The following RBFOX1 variants were observed in gnomAD, a reference collection of about 807,000 sequenced individuals.
The protein encoded by RBFOX1 is RNA binding fox-1 homolog 1, also known as RNA binding protein fox-1 homolog 1.
In RBFOX1, 8 loss-of-function variants were observed where a neutral mutation model predicts 57.7. The ratio of observed to expected loss-of-function variants is 0.14; its 90% CI spans 0.08 to 0.25. RBFOX1 has a LOEUF of 0.25. Ranked by LOEUF, RBFOX1 falls within the 10% of genes least tolerant of loss-of-function variation. The pLI, the probability that RBFOX1 is intolerant of heterozygous loss-of-function variation, is 1.00. For missense variants in RBFOX1, 611 were observed against 548.5 expected (o/e 1.11, Z -1.14); for synonymous variants, 326 against 222.4 (o/e 1.47, Z -4.15).
At chr16:7,182,031 A>C (rs184039807) in intron 4 of RBFOX1, among the ~76,000 whole-genome samples, 113 of 152,354 alleles carry the variant, frequency 7.4e-4, no homozygotes, top group Non-Finnish European at 1.3e-3. Flanking sequence ...TACATGACAC[A>C]AATCACTGAA....
intron 4 of RBFOX1, among the ~76,000 whole-genome samples, chr16:7,280,432 C>G (rs1207926824): frequency 6.6e-6 from 1 of 152,196 alleles, no homozygotes; most frequent in Non-Finnish European, 1.5e-5. Context: ...CCCAGGATCA[C>G]CTCACCTTTG....
At chr16:5,426,455 G>A (rs1324310683) in intron 1 of RBFOX1, among the ~76,000 whole-genome samples, 1 of 152,244 alleles carries the variant, frequency 6.6e-6, no homozygotes, top group Non-Finnish European at 1.5e-5. Context: ...GCCACCGCCA[G>A]GGTGTCTGTC....
intron 2 of RBFOX1, among the ~76,000 whole-genome samples, chr16:5,554,118 C>G (rs2045578211): frequency 6.6e-6 from 1 of 151,878 alleles, no homozygotes; most frequent in Non-Finnish European, 1.5e-5. Context: ...TTAGAGGTGG[C>G]CACCACCATG....
chr16:5,719,201 T>C (rs1051746718), intron 3 of RBFOX1, among the ~76,000 whole-genome samples: 3 of 106,498 alleles, frequency 2.8e-5, no homozygotes, highest in African/African-American at 1.1e-4. Context: ...CATATTAGAA[T>C]CTTTTTTTTT....
In RBFOX1 at chr16:6,657,137, T is replaced by C. The variant is rs561043454; in HGVS notation, c.-16+2487T>C. On this transcript the variant is annotated intron_variant, in intron 3 of 15. Transcript: ENST00000550418. Reference sequence around the variant, plus strand: ...CCTCTCCTCTCCTCTCCTCTCCTCTTCTCTCCTCTTCTCTCCTCTTTTCCT... The same window carrying C: ...CCTCTCCTCTCCTCTCCTCTCCTCTCCTCTCCTCTTCTCTCCTCTTTTCCT... Among the ~76,000 whole-genome samples, 45 of 138,738 alleles carry C rather than the reference T, an allele frequency of 3.2e-4. 1 individual carries two copies. Among genetic ancestry groups the C allele is most frequent in the South Asian group, 7.1e-4 (3 of 4,214 alleles). 91.0% of individuals were successfully genotyped at this position (138,738 alleles called of 152,430 possible). A position where few individuals can be genotyped will look rare whatever the true frequency, so the allele number is the denominator to read the frequency against.
chr16:5,408,829 C>T (rs1428158697), intron 1 of RBFOX1, among the ~76,000 whole-genome samples: 1 of 152,154 alleles, frequency 6.6e-6, no homozygotes, highest in Non-Finnish European at 1.5e-5. Context: ...TTGTGCTACC[C>T]ACTTTTAAAC....
chr16:7,548,523 C>G (rs7187199), intron 5 of RBFOX1, among the ~76,000 whole-genome samples: 3,659 of 152,276 alleles, frequency 0.024, 175 homozygotes, highest in African/African-American at 0.083. Flanking sequence ...GTGAATGGCA[C>G]CTACTCCATC....
chr16:7,098,447 G>A (rs1472798056), intron 4 of RBFOX1, among the ~76,000 whole-genome samples: 5 of 152,190 alleles, frequency 3.3e-5, no homozygotes, highest in Non-Finnish European at 7.3e-5. Flanking sequence ...TGAGATTACA[G>A]GCATGAGCTA....
At chr16:6,713,964 A>G (rs2064241040) in intron 3 of RBFOX1, among the ~76,000 whole-genome samples, 2 of 152,242 alleles carry the variant, frequency 1.3e-5, no homozygotes, top group Admixed American at 6.5e-5. Context: ...ACATGAAAGT[A>G]GTTGATACGG....
At chr16:6,683,870 C>T (rs973261527) in intron 3 of RBFOX1, among the ~76,000 whole-genome samples, 26 of 152,166 alleles carry the variant, frequency 1.7e-4, no homozygotes, top group African/African-American at 6.3e-4. Context: ...GTGGAAATAA[C>T]ACTTTATTTT....
At chr16:5,306,583 C>T (rs78782173) in intron 1 of RBFOX1, among the ~76,000 whole-genome samples, 1,555 of 152,228 alleles carry the variant, frequency 0.01, 31 homozygotes, top group African/African-American at 0.035. Context: ...GCTGGGATTA[C>T]GGTGTGAGTC....
chr16:7,321,603 G>GA (rs2143019757), intron 4 of RBFOX1, among the ~76,000 whole-genome samples: 1 of 152,322 alleles, frequency 6.6e-6, no homozygotes, highest in South Asian at 2.1e-4. Flanking sequence ...ACAGTAATAT[G>GA]AAGATAGTCA....
chr16:5,381,212 G>C (rs1044280866), intron 1 of RBFOX1, among the ~76,000 whole-genome samples: 7 of 152,220 alleles, frequency 4.6e-5, no homozygotes, highest in African/African-American at 7.2e-5. Context: ...GAGAGACTCA[G>C]TAAAAGGCAG....
At chr16:6,532,883 C>T (rs1057498893) in intron 2 of RBFOX1, among the ~76,000 whole-genome samples, 9 of 152,214 alleles carry the variant, frequency 5.9e-5, no homozygotes, top group African/African-American at 1.7e-4. Flanking sequence ...TTCTCTGGCC[C>T]CTTGAGTGCC....
At chr16:7,050,182 G>A (rs190783291) in intron 3 of RBFOX1, among the ~76,000 whole-genome samples, 2 of 145,670 alleles carry the variant, frequency 1.4e-5, no homozygotes, top group South Asian at 2.2e-4. Flanking sequence ...TTATAGAATT[G>A]TACCAGTTTC....
At chr16:6,062,494 T>A (rs1201698808) in intron 1 of RBFOX1, among the ~76,000 whole-genome samples, 1 of 151,796 alleles carries the variant, frequency 6.6e-6, no homozygotes, top group South Asian at 2.1e-4. Flanking sequence ...AGAACCAGGT[T>A]CAGCAACCAC....
intron 10 of RBFOX1, among the ~76,000 whole-genome samples, chr16:7,611,489 G>A (rs1222878890): frequency 6.6e-6 from 1 of 151,378 alleles, no homozygotes; most frequent in South Asian, 2.1e-4. Flanking sequence ...TGAGGCAGAA[G>A]AATCACTTGA....
chr16:6,615,318 C>T (rs754241231), intron 2 of RBFOX1, among the ~76,000 whole-genome samples: 12 of 152,146 alleles, frequency 7.9e-5, no homozygotes, highest in Non-Finnish European at 1.6e-4. Flanking sequence ...GCCAGTAATT[C>T]TAGTACTTTG....
intron 2 of RBFOX1, among the ~76,000 whole-genome samples, chr16:6,477,613 G>T (rs946182654): frequency 6.6e-6 from 1 of 152,174 alleles, no homozygotes; most frequent in South Asian, 2.1e-4. Flanking sequence ...AGGGCCCTAG[G>T]AGATTCAAAA....
Sources: gnomAD v4.1 joint callset for allele counts (sites outside exome capture counted in the v4.1 genomes callset) on GRCh38, gnomAD v4.1.1 for gene constraint, MANE v1.5 for transcripts, NCBI Gene and HGNC (gene_info 2026-07-23, HGNC 2026-07-21) for gene names.